The following DGKZ variants were observed in gnomAD, a reference collection of about 807,000 sequenced individuals.
DGKZ encodes the protein diacylglycerol kinase zeta.
A neutral mutation model predicts 142.5 loss-of-function variants in DGKZ; 45 were observed. The ratio of observed to expected loss-of-function variants is 0.32; its 90% CI spans 0.25 to 0.40. The LOEUF (loss-of-function observed/expected upper bound fraction) is 0.40, where lower values mean the gene tolerates loss of function less well. DGKZ is among the 10% of genes least tolerant of loss of function. DGKZ has a pLI of 1.00. For synonymous variants in DGKZ, 442 were observed against 527.0 expected (o/e 0.84, Z 2.21); for missense variants, 755 against 1,306.5 (o/e 0.58, Z 6.51).
In DGKZ at chr11:46,372,579, C is replaced by T. The variant is rs750892647; in HGVS notation, c.1011-38C>T. On this transcript the variant is annotated intron_variant, in intron 11 of 30. Coordinates refer to ENST00000527911, the Ensembl canonical transcript of DGKZ. This position sits in a 1 kb window ranked among gnomAD's most constrained non-coding sequence, Gnocchi z 5.9. ...TGCCTCACTCCTGGGGTACAGCACA[C>T]ATCCCCTGACCCCACTGCCATCTTC... 2 of 1,613,808 alleles carry T rather than the reference C, an allele frequency of 1.2e-6. No individual in the cohort carries two copies. Among genetic ancestry groups the T allele is most frequent in the South Asian group, 1.1e-5 (1 of 91,082 alleles).
At chr11:46,354,388 G>T (rs1941760558) in intron 1 of DGKZ, among the ~76,000 whole-genome samples, 1 of 152,100 alleles carries the variant, frequency 6.6e-6, no homozygotes, top group African/African-American at 2.4e-5. Flanking sequence ...TAGAGACGAG[G>T]TCCTGCTATG....
chr11:46,379,315 G>A, intron 29 of DGKZ, 79 bp downstream of exon 29: 4 of 1,597,288 alleles, frequency 2.5e-6, no homozygotes, highest in Non-Finnish European at 3.4e-6. Context: ...TGTCAGGTCA[G>A]AGCCCATAAA....
chr11:46,379,833 C>T (rs1198540330), exon 31 of DGKZ: 3 of 1,608,288 alleles, frequency 1.9e-6, no homozygotes, highest in Non-Finnish European at 2.5e-6. Context: ...TCCTCCAGGG[C>T]GACACTCCCC....
intron 1 of DGKZ, chr11:46,364,935 G>A (rs1293734851): frequency 1.0e-6 from 1 of 985,316 alleles, no homozygotes; most frequent in Admixed American, 6.1e-5. Context: ...TCTCTCCCCA[G>A]GACCAGGGCC....
chr11:46,347,918 C>G lies in DGKZ; in HGVS notation c.161+98C>G, dbSNP rs1395261386. ...CGGCCACTGGGGGTCCGGGCCACTT[C>G]GGTACTGACACTGAGTCGGGGAGAG... is the stretch of plus-strand genomic sequence containing the variant. On this transcript the variant is annotated intron_variant, in intron 1 of 30. Coordinates refer to ENST00000527911, the Ensembl canonical transcript of DGKZ. This position sits in a 1 kb window ranked among gnomAD's most constrained non-coding sequence, Gnocchi z 6.4. 9.6e-6 allele frequency: 12 copies of G among 1,253,176 alleles called. No individual in the cohort carries two copies. The highest frequency in any genetic ancestry group is 1.2e-5 in the Non-Finnish European group (12 of 995,030). The allele number at this position is 1,253,176 out of a possible 1,614,324, so 77.6% of individuals were successfully genotyped here. A position where few individuals can be genotyped will look rare whatever the true frequency, so the allele number is the denominator to read the frequency against.
At chr11:46,378,680 A>G (rs1257640531) in intron 27 of DGKZ, 180 bp downstream of exon 27, 2 of 931,186 alleles carry the variant, frequency 2.1e-6, no homozygotes, top group Non-Finnish European at 3.4e-6. Flanking sequence ...TCTAGGCCAC[A>G]ATAGATGGCT....
intron 1 of DGKZ, among the ~76,000 whole-genome samples, chr11:46,353,597 G>A (rs1016250693): frequency 6.6e-6 from 1 of 152,202 alleles, no homozygotes; most frequent in Admixed American, 6.5e-5. Flanking sequence ...TTGCTTTAAG[G>A]GCGCAGGGAG....
intron 4 of DGKZ, 111 bp downstream of exon 4, chr11:46,368,190 A>C (rs751015039): frequency 1.5e-5 from 17 of 1,160,060 alleles, no homozygotes; most frequent in Non-Finnish European, 2.0e-5. Flanking sequence ...GTGACCCAGC[A>C]CTCGGGGGTG....
At chr11:46,339,766 G>A (rs1397210069) in intron 1 of DGKZ, among the ~76,000 whole-genome samples, 1 of 152,194 alleles carries the variant, frequency 6.6e-6, no homozygotes, top group Non-Finnish European at 1.5e-5. Flanking sequence ...GCCAAGCATG[G>A]GGAAGCCTGG....
exon 1 of DGKZ, chr11:46,333,256 G>A (rs1165822115): frequency 1.6e-6 from 2 of 1,247,384 alleles, no homozygotes; most frequent in African/African-American, 3.1e-5. Context: ...CAGGAGCCGC[G>A]GGCGGAAGGC....
upstream of DGKZ, among the ~76,000 whole-genome samples, chr11:46,346,805 G>T (rs373574224): frequency 5.9e-5 from 9 of 152,172 alleles, no homozygotes; most frequent in Admixed American, 4.6e-4. Context: ...CGATGTGTTG[G>T]GCCTGGGTGA....
chr11:46,340,920 G>A (rs1300189639), intron 1 of DGKZ, among the ~76,000 whole-genome samples: 8 of 152,232 alleles, frequency 5.3e-5, no homozygotes, highest in African/African-American at 1.4e-4. Context: ...AGGCCAGGGC[G>A]GGCCAATCAC....
chr11:46,349,120 T>C lies in DGKZ; in HGVS notation c.161+1300T>C, dbSNP rs368393922. On this transcript the variant is annotated intron_variant, in intron 1 of 30. Transcript: ENST00000527911. ...CGGGCTAGGGCCCACTCTTTGCACCTGCACTCTGTCTCTGAGCACATGCAC... is the reference window on the plus strand; with the variant it reads ...CGGGCTAGGGCCCACTCTTTGCACCCGCACTCTGTCTCTGAGCACATGCAC... 1.9e-4 allele frequency among the ~76,000 whole-genome samples: 29 copies of C among 152,352 alleles called. No homozygotes were observed. In the South Asian group the frequency reaches 2.1e-3, roughly 11 times the overall value.
upstream of DGKZ, among the ~76,000 whole-genome samples, chr11:46,344,988 C>G (rs1319485509): frequency 6.6e-6 from 1 of 152,202 alleles, no homozygotes. Flanking sequence ...TTCCTGTATG[C>G]CCAGCCCTGT....
intron 27 of DGKZ, 55 bp from the exon 28 acceptor site, chr11:46,378,936 A>C: frequency 6.7e-7 from 1 of 1,500,894 alleles, no homozygotes; most frequent in African/African-American, 1.4e-5. Context: ...GTGTGAGCTC[A>C]GGGAAGGAGG....
chr11:46,361,711 A>G (rs1192257356), intron 1 of DGKZ: 2 of 983,522 alleles, frequency 2.0e-6, no homozygotes, highest in Non-Finnish European at 2.4e-6. Context: ...GATCAGGTCA[A>G]AAGGGGCCCC....
intron 1 of DGKZ, among the ~76,000 whole-genome samples, chr11:46,337,942 T>C (rs1940092630): frequency 6.6e-6 from 1 of 152,136 alleles, no homozygotes; most frequent in Non-Finnish European, 1.5e-5. Context: ...GGCCAAGCAT[T>C]ACCTGAGATG....
upstream of DGKZ, chr11:46,347,453 C>A: frequency 1.0e-6 from 1 of 982,428 alleles, no homozygotes; most frequent in Non-Finnish European, 1.2e-6. This position sits in a 1 kb window ranked among gnomAD's most constrained non-coding sequence, Gnocchi z 6.4. Context: ...GTCCTGCGGC[C>A]GCGGCTGGCG....
At chr11:46,352,971 C>T (rs1313625123) in intron 1 of DGKZ, among the ~76,000 whole-genome samples, 1 of 152,226 alleles carries the variant, frequency 6.6e-6, no homozygotes, top group East Asian at 1.9e-4. Flanking sequence ...TCACCCCCTG[C>T]CTCGCTGAAA....
Sources: allele counts gnomAD v4.1 joint callset (sites outside exome capture counted in the v4.1 genomes callset), GRCh38; gene constraint gnomAD v4.1.1; non-coding constraint Gnocchi (gnomAD v3.1); transcripts MANE v1.5; gene names NCBI Gene and HGNC (gene_info 2026-07-23, HGNC 2026-07-21).